Variants in MAF observed in about 807,000 individuals in gnomAD.
MAF encodes the protein transcription factor Maf.
MAF carries 10 observed loss-of-function variants against 22.0 expected under a neutral mutation model. The observed-to-expected ratio is 0.45, with a 90% CI of 0.28 to 0.77. The LOEUF (loss-of-function observed/expected upper bound fraction) is 0.77, where lower values mean the gene tolerates loss of function less well. Among genes scored for constraint, MAF ranks in the 30% least tolerant of loss-of-function variants. The pLI, the probability that MAF is intolerant of heterozygous loss-of-function variation, is 0.12. For missense variants in MAF, 544 were observed against 548.4 expected (o/e 0.99, Z 0.08); for synonymous variants, 337 against 255.8 (o/e 1.32, Z -3.03).
the MAF span, among the ~76,000 whole-genome samples, chr16:79,279,638 TA>T: frequency 6.6e-6 from 1 of 152,190 alleles, no homozygotes; most frequent in South Asian, 2.1e-4. Context: ...CTGACTGTAC[TA>T]AAGTGTGAAC....
At chr16:79,347,955 AT>A in the MAF span, among the ~76,000 whole-genome samples, 1 of 152,242 alleles carries the variant, frequency 6.6e-6, no homozygotes, top group Non-Finnish European at 1.5e-5. Context: ...ACATGTATAT[AT>A]AATTTTTAAA....
At chr16:79,482,697 G>A in the MAF span, among the ~76,000 whole-genome samples, 1 of 152,064 alleles carries the variant, frequency 6.6e-6, no homozygotes, top group Non-Finnish European at 1.5e-5. Flanking sequence ...GGTGGCTGCT[G>A]GAGGTAATCA....
chr16:79,522,742 G>A, the MAF span, among the ~76,000 whole-genome samples: 3 of 152,206 alleles, frequency 2.0e-5, no homozygotes, highest in African/African-American at 4.8e-5. Flanking sequence ...TCAATCCAAC[G>A]ATGGCTTGCT....
At chr16:79,419,089 T>C in the MAF span, among the ~76,000 whole-genome samples, 1 of 152,222 alleles carries the variant, frequency 6.6e-6, no homozygotes, top group Non-Finnish European at 1.5e-5. Flanking sequence ...AGTCTAAATG[T>C]GGACCAAACT....
At chr16:79,562,804 C>T in the MAF span, among the ~76,000 whole-genome samples, 1 of 152,274 alleles carries the variant, frequency 6.6e-6, no homozygotes, top group Admixed American at 6.5e-5. Context: ...AGACATCATC[C>T]CACCCAGGAA....
chr16:79,368,342 AG>A, the MAF span, among the ~76,000 whole-genome samples: 1 of 152,118 alleles, frequency 6.6e-6, no homozygotes, highest in African/African-American at 2.4e-5. Flanking sequence ...TTAGCCACAG[AG>A]GGTAGACATT....
At chr16:79,205,876 T>G in the MAF span, 1 of 151,932 alleles carries the variant, frequency 6.6e-6, no homozygotes, top group African/African-American at 2.4e-5. Flanking sequence ...CGCACCTACA[T>G]GCGTGGGAAC....
the MAF span, among the ~76,000 whole-genome samples, chr16:79,327,284 T>C: frequency 6.6e-6 from 1 of 152,246 alleles, no homozygotes; most frequent in East Asian, 1.9e-4. Flanking sequence ...GCACAACCCC[T>C]GACTTCTTGT....
the MAF span, among the ~76,000 whole-genome samples, chr16:79,271,605 C>G: frequency 6.6e-6 from 1 of 152,172 alleles, no homozygotes; most frequent in Non-Finnish European, 1.5e-5. Flanking sequence ...TGCTTATTTT[C>G]TCTCTCAGAT....
At chr16:79,524,951 C>G in the MAF span, among the ~76,000 whole-genome samples, 1 of 152,134 alleles carries the variant, frequency 6.6e-6, no homozygotes, top group Non-Finnish European at 1.5e-5. Flanking sequence ...AGTAGAGCAG[C>G]ATTAGGTTAC....
At chr16:79,233,681 T>C in the MAF span, among the ~76,000 whole-genome samples, 1 of 151,940 alleles carries the variant, frequency 6.6e-6, no homozygotes, top group African/African-American at 2.4e-5. Flanking sequence ...TGAAAAATGG[T>C]AGACAAGCAG....
the MAF span, among the ~76,000 whole-genome samples, chr16:79,319,289 CG>C: frequency 3.3e-5 from 5 of 152,106 alleles, no homozygotes; most frequent in Non-Finnish European, 7.4e-5. Flanking sequence ...GAACTTTAAG[CG>C]GGGGAGAGGA....
chr16:79,594,472 CACACTGGTAAGT>C lies in MAF; in HGVS notation c.1188_1199del (p.Leu397_Val400del), dbSNP rs1182041172. On this transcript the variant is annotated inframe_deletion, in exon 2 of 2. Coordinates refer to ENST00000326043, the MANE Select transcript of MAF (RefSeq NM_005360.5). Reference sequence around the variant, plus strand: ...TCTCACACAAATTTCATTTTGTGAACACACTGGTAAGTACACGATGCTGGGGCTTCCAAAATG... The same window carrying C: ...TCTCACACAAATTTCATTTTGTGAACACACGATGCTGGGGCTTCCAAAATG... 2.2e-5 allele frequency: 34 copies of C among 1,559,638 alleles called. No individual in the cohort carries two copies. Among genetic ancestry groups the C allele is most frequent in the Non-Finnish European group, 2.8e-5 (32 of 1,149,938 alleles).
At chr16:79,233,376 T>C in the MAF span, among the ~76,000 whole-genome samples, 1 of 151,952 alleles carries the variant, frequency 6.6e-6, no homozygotes, top group Non-Finnish European at 1.5e-5. Flanking sequence ...CCAGGGCCCC[T>C]TGTGCAACTG....
At chr16:79,360,117 GA>G in the MAF span, among the ~76,000 whole-genome samples, 1 of 152,154 alleles carries the variant, frequency 6.6e-6, no homozygotes, top group Non-Finnish European at 1.5e-5. Context: ...AGCTGTCCAT[GA>G]GAGAGCTATC....
chr16:79,573,623 G>T, the MAF span, among the ~76,000 whole-genome samples: 1 of 152,040 alleles, frequency 6.6e-6, no homozygotes, highest in African/African-American at 2.4e-5. Flanking sequence ...CTACTGTATA[G>T]GTAATACACA....
chr16:79,592,289 T>G (rs1317463995), downstream of MAF, among the ~76,000 whole-genome samples: 1 of 152,180 alleles, frequency 6.6e-6, no homozygotes, highest in Non-Finnish European at 1.5e-5. Flanking sequence ...GCCCTAACAA[T>G]CATGAGACAG....
the MAF span, among the ~76,000 whole-genome samples, chr16:79,511,391 T>A: frequency 6.6e-6 from 1 of 152,218 alleles, no homozygotes; most frequent in Non-Finnish European, 1.5e-5. Context: ...TTTACTTATA[T>A]GAGAGTCCAA....
At chr16:79,280,545 G>T in the MAF span, among the ~76,000 whole-genome samples, 3 of 152,206 alleles carry the variant, frequency 2.0e-5, no homozygotes, top group Non-Finnish European at 2.9e-5. Flanking sequence ...CACCATGAGG[G>T]ATCACTTGCA....
Sources: allele counts gnomAD v4.1 joint callset (sites outside exome capture counted in the v4.1 genomes callset), GRCh38; gene constraint gnomAD v4.1.1; transcripts MANE v1.5; gene names NCBI Gene and HGNC (gene_info 2026-07-23, HGNC 2026-07-21).